MARCHF3: variants seen among roughly 807,000 people sequenced by gnomAD.
MARCHF3 encodes membrane associated ring-CH-type finger 3.
A neutral mutation model predicts 24.2 loss-of-function variants in MARCHF3; 13 were observed. The observed-to-expected ratio is 0.54, with a 90% CI of 0.35 to 0.85. MARCHF3 has a LOEUF of 0.85. MARCHF3 is among the 40% of genes least tolerant of loss of function. The pLI is 0.01. For synonymous variants in MARCHF3, 144 were observed against 137.3 expected (o/e 1.05, Z -0.34); for missense variants, 276 against 325.0 (o/e 0.85, Z 1.16).
At chr5:126,961,762 C>A (rs1039026719) in intron 1 of MARCHF3, among the ~76,000 whole-genome samples, 1 of 152,118 alleles carries the variant, frequency 6.6e-6, no homozygotes, top group African/African-American at 2.4e-5. Flanking sequence ...AACTTGTCTA[C>A]GCTGGATATT....
chr5:127,009,029 TA>T (rs1485931878), intron 1 of MARCHF3, among the ~76,000 whole-genome samples: 3 of 152,134 alleles, frequency 2.0e-5, no homozygotes, highest in African/African-American at 7.2e-5. Context: ...TTTAAGGTAC[TA>T]AGTTACAATA....
chr5:126,887,035 C>G (rs1014206336), intron 3 of MARCHF3, among the ~76,000 whole-genome samples: 1 of 152,194 alleles, frequency 6.6e-6, no homozygotes, highest in African/African-American at 2.4e-5. Context: ...ATGTAATAGT[C>G]TCCTTACTTT....
intron 1 of MARCHF3, among the ~76,000 whole-genome samples, chr5:126,976,847 C>T (rs553840705): frequency 2.0e-5 from 3 of 152,354 alleles, no homozygotes; most frequent in South Asian, 4.1e-4. Flanking sequence ...CCCACACATC[C>T]TGCCTGGAAA....
At chr5:127,000,296 T>C (rs973679775) in intron 1 of MARCHF3, among the ~76,000 whole-genome samples, 17 of 151,922 alleles carry the variant, frequency 1.1e-4, no homozygotes, top group African/African-American at 4.1e-4. Context: ...CTCTGCCTCT[T>C]GATGCTAGAA....
At chr5:127,010,468 G>T (rs1035017931) in intron 1 of MARCHF3, among the ~76,000 whole-genome samples, 31 of 152,042 alleles carry the variant, frequency 2.0e-4, no homozygotes, top group African/African-American at 7.0e-4. Context: ...CTTTTGTGAG[G>T]GTCGAGAACC....
chr5:126,877,027 A>T (rs1753184440), intron 4 of MARCHF3, among the ~76,000 whole-genome samples: 1 of 152,224 alleles, frequency 6.6e-6, no homozygotes, highest in Non-Finnish European at 1.5e-5. Context: ...TGTCTAAATT[A>T]ACCATAAGAC....
At chr5:126,967,203 G>A (rs878868839) in intron 1 of MARCHF3, among the ~76,000 whole-genome samples, 2 of 151,756 alleles carry the variant, frequency 1.3e-5, no homozygotes, top group Admixed American at 1.3e-4. Flanking sequence ...TCCAGCAATT[G>A]ATTGGTTTCA....
At chr5:126,986,281 AT>A (rs1242039706) in intron 1 of MARCHF3, among the ~76,000 whole-genome samples, 2 of 152,220 alleles carry the variant, frequency 1.3e-5, no homozygotes, top group Non-Finnish European at 2.9e-5. Context: ...TATAAGTAGC[AT>A]CAAAAGTGGG....
At chr5:126,911,923 T>C (rs116021659) in intron 3 of MARCHF3, among the ~76,000 whole-genome samples, 164 of 152,348 alleles carry the variant, frequency 1.1e-3, no homozygotes, top group African/African-American at 3.6e-3. Flanking sequence ...TTTAGCTTTA[T>C]AGAGACCAAA....
At chr5:126,885,840 A>G (rs1753494697) in intron 3 of MARCHF3, among the ~76,000 whole-genome samples, 1 of 152,076 alleles carries the variant, frequency 6.6e-6, no homozygotes, top group South Asian at 2.1e-4. Context: ...TTGTTGTTAC[A>G]AGATGAAAAA....
chr5:127,002,159 G>A (rs1187550223), intron 1 of MARCHF3, among the ~76,000 whole-genome samples: 1 of 152,200 alleles, frequency 6.6e-6, no homozygotes, highest in Non-Finnish European at 1.5e-5. Flanking sequence ...CCAGGAAGAC[G>A]TTAACCCTAT....
intron 1 of MARCHF3, among the ~76,000 whole-genome samples, chr5:127,003,236 T>C (rs1311547292): frequency 1.3e-5 from 2 of 151,800 alleles, no homozygotes; most frequent in Non-Finnish European, 2.9e-5. Context: ...TCCCAGCACT[T>C]TGGGAGGCCG....
rs373459237 is a variant in MARCHF3, at chr5:126,915,126, T to C, written c.197A>G (p.Asn66Ser). The change falls in exon 3 of 5, where the codon AAT becomes AGT. Residue 66 changes from asparagine (N) to serine (S), a missense_variant. Transcript: ENST00000308660. ...GCAGATCCTGCACATCGGCCGGTCA[T>C]TGAAGGGGCTGCAAGAGAAGGAGGG... is the stretch of plus-strand genomic sequence containing the variant. ...VRTLATQSPFNDRPMCRICHE... is the reference protein window; with the variant it reads ...VRTLATQSPFSDRPMCRICHE... 33 of 1,613,484 alleles carry C rather than the reference T, an allele frequency of 2.0e-5. No individual in the cohort carries two copies. Among genetic ancestry groups the C allele is most frequent in the African/African-American group, 1.2e-4 (9 of 75,032 alleles).
intron 1 of MARCHF3, among the ~76,000 whole-genome samples, chr5:126,983,942 A>G (rs925786997): frequency 2.6e-5 from 4 of 152,206 alleles, no homozygotes; most frequent in African/African-American, 9.7e-5. Flanking sequence ...GAAAATACAG[A>G]AGCCACTATC....
At chr5:126,970,651 C>T (rs933780816) in intron 1 of MARCHF3, among the ~76,000 whole-genome samples, 1 of 152,192 alleles carries the variant, frequency 6.6e-6, no homozygotes, top group Middle Eastern at 3.4e-3. Context: ...AAGTTAAATT[C>T]TGATGAAGTG....
intron 3 of MARCHF3, among the ~76,000 whole-genome samples, chr5:126,907,447 G>C (rs1754341568): frequency 6.8e-6 from 1 of 147,234 alleles, no homozygotes; most frequent in South Asian, 2.2e-4. Context: ...TAATGTGTGG[G>C]AGTCTAAGTC....
At chr5:126,887,948 T>C (rs1387343856) in intron 3 of MARCHF3, among the ~76,000 whole-genome samples, 1 of 152,242 alleles carries the variant, frequency 6.6e-6, no homozygotes, top group Non-Finnish European at 1.5e-5. Flanking sequence ...TTTATTTATT[T>C]ACTTGTTCAT....
At chr5:126,974,151 C>A (rs559861688) in intron 1 of MARCHF3, among the ~76,000 whole-genome samples, 1 of 152,124 alleles carries the variant, frequency 6.6e-6, no homozygotes, top group Non-Finnish European at 1.5e-5. Flanking sequence ...CCCGCCTCAG[C>A]CTCCCAAAGT....
chr5:126,936,842 T>C (rs1285881407), intron 1 of MARCHF3, among the ~76,000 whole-genome samples: 1 of 152,124 alleles, frequency 6.6e-6, no homozygotes. Flanking sequence ...CTTTATTCCG[T>C]AGGTGCAGAA....
Sources: allele counts gnomAD v4.1 joint callset (sites outside exome capture counted in the v4.1 genomes callset), GRCh38; gene constraint gnomAD v4.1.1; transcripts MANE v1.5; gene names NCBI Gene and HGNC (gene_info 2026-07-23, HGNC 2026-07-21).